ASTN2: variants seen among roughly 807,000 people sequenced by gnomAD.
ASTN2 encodes the protein astrotactin 2.
A neutral mutation model predicts 139.8 loss-of-function variants in ASTN2; 54 were observed. That is an observed-to-expected ratio of 0.39 (90% CI 0.31 to 0.48). ASTN2 has a LOEUF of 0.48. Ranked by LOEUF, ASTN2 falls within the 20% of genes least tolerant of loss-of-function variation. The probability of loss-of-function intolerance (pLI) is 0.95; values close to 1 mark genes in which losing one functional copy is unlikely to be tolerated. For synonymous variants in ASTN2, 756 were observed against 719.5 expected (o/e 1.05, Z -0.81); for missense variants, 1,565 against 1,725.1 (o/e 0.91, Z 1.64).
At chr9:117,399,377 A>G (rs550618692) in intron 1 of ASTN2, among the ~76,000 whole-genome samples, 2 of 152,212 alleles carry the variant, frequency 1.3e-5, no homozygotes, top group Non-Finnish European at 2.9e-5. Context: ...TTTTTAAAAT[A>G]TATAATATTA....
intron 11 of ASTN2, 76 bp from the exon 12 acceptor site, chr9:116,820,859 G>T: frequency 6.9e-7 from 1 of 1,444,264 alleles, no homozygotes; most frequent in South Asian, 1.4e-5. Context: ...CCTCCCTCCT[G>T]GAAGAGACAT....
intron 13 of ASTN2, among the ~76,000 whole-genome samples, chr9:116,755,483 G>T (rs2132160262): frequency 6.6e-6 from 1 of 152,328 alleles, no homozygotes; most frequent in Middle Eastern, 3.4e-3. Flanking sequence ...AAGACCAGGT[G>T]ATCACACAGA....
chr9:117,239,632 C>A (rs919439883), intron 2 of ASTN2, among the ~76,000 whole-genome samples: 14 of 152,224 alleles, frequency 9.2e-5, no homozygotes, highest in African/African-American at 3.4e-4. Context: ...ATGCAGACAG[C>A]AGCTCTCTGA....
chr9:116,857,133 G>T (rs896842473), intron 11 of ASTN2, among the ~76,000 whole-genome samples: 2 of 152,244 alleles, frequency 1.3e-5, no homozygotes, highest in Non-Finnish European at 2.9e-5. Context: ...TTGGTTAAAA[G>T]AAGCAAAGCA....
chr9:116,434,125 T>A (rs1383251020), intron 22 of ASTN2, among the ~76,000 whole-genome samples: 2 of 152,180 alleles, frequency 1.3e-5, no homozygotes, highest in Non-Finnish European at 2.9e-5. Context: ...ATTGAAGGTA[T>A]AATTGAAGAT....
chr9:117,071,276 G>C (rs746243566), intron 5 of ASTN2, among the ~76,000 whole-genome samples: 2,750 of 151,596 alleles, frequency 0.018, 46 homozygotes, highest in Non-Finnish European at 0.027. Flanking sequence ...TGCCGTGTGA[G>C]GTGTCAGTGT....
At chr9:117,203,289 T>C (rs1246594861) in intron 3 of ASTN2, among the ~76,000 whole-genome samples, 1 of 152,092 alleles carries the variant, frequency 6.6e-6, no homozygotes, top group African/African-American at 2.4e-5. Context: ...ACATGCTCCT[T>C]TAGCTCATCA....
At chr9:117,411,902 C>A (rs578218299) in intron 1 of ASTN2, among the ~76,000 whole-genome samples, 4 of 152,282 alleles carry the variant, frequency 2.6e-5, no homozygotes, top group Non-Finnish European at 5.9e-5. Flanking sequence ...GTTTAAAAGT[C>A]TGGGGATGGG....
rs181754804 is a variant in ASTN2, at chr9:116,977,971, C to T, written c.1592-1186G>A. ...AACCCAAGTGATCTGCCCACCTCAG[C>T]CTCCCAAAGTGCCGGGATTACACGT... On this transcript the variant is annotated intron_variant, in intron 7 of 22. Transcript: ENST00000313400. 5.9e-5 allele frequency among the ~76,000 whole-genome samples: 9 copies of T among 152,232 alleles called. No individual in the cohort carries two copies. The East Asian group carries it at 1.5e-3, about 26-fold the overall frequency.
At chr9:117,344,185 G>GAA (rs36050108) in intron 1 of ASTN2, among the ~76,000 whole-genome samples, 11 of 150,846 alleles carry the variant, frequency 7.3e-5, no homozygotes, top group East Asian at 5.9e-4. Context: ...AGCACGTGGA[G>GAA]AAAAAAAAAC....
intron 3 of ASTN2, among the ~76,000 whole-genome samples, chr9:117,199,306 G>A (rs1299321444): frequency 6.6e-6 from 1 of 152,128 alleles, no homozygotes; most frequent in Non-Finnish European, 1.5e-5. Flanking sequence ...TTTAATTTTT[G>A]TATAAGGTGT....
chr9:116,669,851 T>C (rs534156855), intron 16 of ASTN2, among the ~76,000 whole-genome samples: 7 of 151,174 alleles, frequency 4.6e-5, no homozygotes, highest in Admixed American at 1.3e-4. Flanking sequence ...TGTCACCCAG[T>C]CTGGAATGCA....
chr9:116,535,458 G>A (rs906330279), intron 19 of ASTN2, among the ~76,000 whole-genome samples: 3 of 152,094 alleles, frequency 2.0e-5, no homozygotes, highest in East Asian at 1.9e-4. Flanking sequence ...TCCTAGCATC[G>A]ATGGTCTTTG....
At chr9:116,835,531 AAAAGACGTC>A (rs1276664848) in intron 11 of ASTN2, among the ~76,000 whole-genome samples, 1 of 152,186 alleles carries the variant, frequency 6.6e-6, no homozygotes, top group Admixed American at 6.5e-5. Flanking sequence ...GGCAGCCACT[AAAAGACGTC>A]AAAGGAACTT....
At chr9:117,104,435 T>C (rs1194070229) in intron 4 of ASTN2, among the ~76,000 whole-genome samples, 1 of 152,184 alleles carries the variant, frequency 6.6e-6, no homozygotes, top group African/African-American at 2.4e-5. Context: ...AATTTATATA[T>C]GCTTGCTCAT....
At chr9:116,966,128 G>A (rs550658196) in intron 10 of ASTN2, among the ~76,000 whole-genome samples, 58 of 152,266 alleles carry the variant, frequency 3.8e-4, no homozygotes, top group African/African-American at 1.3e-3. Flanking sequence ...ATCTGTAGAC[G>A]TGTCTCAACA....
At chr9:117,377,843 T>A (rs990953285) in intron 1 of ASTN2, among the ~76,000 whole-genome samples, 59 of 152,200 alleles carry the variant, frequency 3.9e-4, no homozygotes, top group African/African-American at 1.3e-3. Flanking sequence ...AAGATACACA[T>A]ACAAGTGTCA....
At chr9:116,738,011 T>A (rs1828987210) in intron 13 of ASTN2, among the ~76,000 whole-genome samples, 2 of 148,824 alleles carry the variant, frequency 1.3e-5, no homozygotes, top group African/African-American at 5.0e-5. Context: ...GCTAACACGG[T>A]GAAACCCCGT....
intron 12 of ASTN2, among the ~76,000 whole-genome samples, chr9:116,806,482 G>A (rs914936077): frequency 1.3e-5 from 2 of 152,230 alleles, no homozygotes; most frequent in Non-Finnish European, 2.9e-5. Flanking sequence ...GATGGGGATG[G>A]TTGGGGCAAG....
Sources: gnomAD v4.1 joint callset for allele counts (sites outside exome capture counted in the v4.1 genomes callset) on GRCh38, gnomAD v4.1.1 for gene constraint, MANE v1.5 for transcripts, NCBI Gene and HGNC (gene_info 2026-07-23, HGNC 2026-07-21) for gene names.